The following CDYL2 variants were observed in gnomAD, a reference collection of about 807,000 sequenced individuals.
The protein encoded by CDYL2 is chromodomain Y like 2.
CDYL2 carries 23 observed loss-of-function variants against 49.4 expected under a neutral mutation model. The ratio of observed to expected loss-of-function variants is 0.47; its 90% CI spans 0.34 to 0.66. The LOEUF (loss-of-function observed/expected upper bound fraction) is 0.66. CDYL2 is among the 30% of genes least tolerant of loss of function. CDYL2 has a pLI of 0.01. For missense variants in CDYL2, 678 were observed against 656.4 expected, an observed-to-expected ratio of 1.03 and a Z score of -0.36; for synonymous variants, 360 against 268.8, an observed-to-expected ratio of 1.34 and a Z score of -3.32.
chr16:80,799,257 TTTC>T (rs1485996393), intron 1 of CDYL2, among the ~76,000 whole-genome samples: 9 of 152,196 alleles, frequency 5.9e-5, no homozygotes, highest in Non-Finnish European at 1.2e-4. Context: ...TTAGATATTA[TTTC>T]TTTTTTGCTT....
chr16:80,665,023 C>T (rs1245226740), intron 2 of CDYL2, among the ~76,000 whole-genome samples: 1 of 152,128 alleles, frequency 6.6e-6, no homozygotes, highest in Non-Finnish European at 1.5e-5. Context: ...TCATCATACC[C>T]CCAGAACGAG....
At chr16:80,662,033 T>G (rs573927854) in intron 2 of CDYL2, among the ~76,000 whole-genome samples, 3 of 152,188 alleles carry the variant, frequency 2.0e-5, no homozygotes, top group Admixed American at 6.5e-5. Context: ...ATGTTCCTAG[T>G]GGTGCATTCC....
intron 2 of CDYL2, among the ~76,000 whole-genome samples, chr16:80,656,781 C>A (rs1244410778): frequency 6.6e-6 from 1 of 152,028 alleles, no homozygotes; most frequent in Non-Finnish European, 1.5e-5. Context: ...ATGAGAGGCA[C>A]AACACTGACA....
intron 1 of CDYL2, among the ~76,000 whole-genome samples, chr16:80,688,867 T>G (rs1212033396): frequency 6.6e-6 from 1 of 152,084 alleles, no homozygotes; most frequent in African/African-American, 2.4e-5. Flanking sequence ...TCCTCCAAAC[T>G]TCCTGCACTG....
At chr16:80,802,174 A>C (rs1391795501) in intron 1 of CDYL2, among the ~76,000 whole-genome samples, 1 of 152,224 alleles carries the variant, frequency 6.6e-6, no homozygotes, top group African/African-American at 2.4e-5. Flanking sequence ...TGAACATTAA[A>C]CAAGAAATTA....
chr16:80,623,082 GCT>G (rs1233718159), intron 3 of CDYL2, among the ~76,000 whole-genome samples: 1 of 152,206 alleles, frequency 6.6e-6, no homozygotes, highest in East Asian at 1.9e-4. Flanking sequence ...GATGGTACAA[GCT>G]CTGTCTGCCC....
At chr16:80,713,019 G>T (rs912392705) in intron 1 of CDYL2, among the ~76,000 whole-genome samples, 2 of 152,138 alleles carry the variant, frequency 1.3e-5, no homozygotes, top group Non-Finnish European at 2.9e-5. Context: ...TTGTGGCTTC[G>T]CTCATTGTTT....
intron 1 of CDYL2, among the ~76,000 whole-genome samples, chr16:80,700,388 A>C (rs1033908289): frequency 5.9e-5 from 9 of 152,372 alleles, no homozygotes; most frequent in African/African-American, 1.7e-4. Flanking sequence ...ATCAAAAATA[A>C]AATTAAATGA....
At chr16:80,672,041 G>A (rs1046120917) in intron 2 of CDYL2, among the ~76,000 whole-genome samples, 20 of 152,096 alleles carry the variant, frequency 1.3e-4, no homozygotes, top group Non-Finnish European at 1.5e-4. Flanking sequence ...TGGAATATTT[G>A]TATTATACTT....
At chr16:80,727,858 AG>A (rs1422869790) in intron 1 of CDYL2, among the ~76,000 whole-genome samples, 1 of 152,088 alleles carries the variant, frequency 6.6e-6, no homozygotes, top group Non-Finnish European at 1.5e-5. Flanking sequence ...TCACACGGCC[AG>A]GTACTCCAAC....
At chr16:80,782,530 G>GAA (rs1188248662) in intron 1 of CDYL2, among the ~76,000 whole-genome samples, 176 of 35,302 alleles carry the variant, frequency 5.0e-3, no homozygotes, top group Non-Finnish European at 7.1e-3. Context: ...GACATAAGGA[G>GAA]AAAAAAAAAA....
chr16:80,769,774 T>C (rs890313632), intron 1 of CDYL2, among the ~76,000 whole-genome samples: 1 of 152,210 alleles, frequency 6.6e-6, no homozygotes, highest in African/African-American at 2.4e-5. Context: ...ATAAGGTATT[T>C]GCATAGGTGA....
In CDYL2 at chr16:80,603,627, T is replaced by A. The variant is rs916307866; in HGVS notation, c.*761A>T. ...TCCAGGGTAGTATGAAAATAGTATC[T>A]GTGTGAACAACAGACATCACAATAT... On this transcript the variant is annotated 3_prime_UTR_variant, in exon 7 of 7. Transcript: ENST00000570137. The A allele has an allele frequency of 1.3e-5, 2 of 152,610 alleles. No individual in the cohort carries two copies. The highest frequency in any genetic ancestry group is 4.8e-5 in the African/African-American group (2 of 41,432). 9.5% of individuals were successfully genotyped at this position (152,610 alleles called of 1,614,324 possible). A position where few individuals can be genotyped will look rare whatever the true frequency, so the allele number is the denominator to read the frequency against.
At position 80,699,734 on chromosome 16, in the gene CDYL2, G is replaced by A. The variant is rs371945619; in HGVS notation, c.25-14605C>T. On this transcript the variant is annotated intron_variant, in intron 1 of 6. Transcript: ENST00000570137. ...ATGGATATGCTAATTACCCTGATTT[G>A]ATCATTACACATTATCTATATGTAT... Among the ~76,000 whole-genome samples, 6 of 152,178 alleles carry A rather than the reference G, an allele frequency of 3.9e-5. 1 individual carries two copies. The highest frequency in any genetic ancestry group is 9.6e-5 in the African/African-American group (4 of 41,522).
At chr16:80,609,172 G>C (rs987141071) in intron 5 of CDYL2, among the ~76,000 whole-genome samples, 4 of 152,330 alleles carry the variant, frequency 2.6e-5, no homozygotes, top group African/African-American at 9.6e-5. Context: ...TCTGGGAGGA[G>C]CTATATAGAT....
At chr16:80,746,843 G>C (rs567037550) in intron 1 of CDYL2, among the ~76,000 whole-genome samples, 17 of 151,978 alleles carry the variant, frequency 1.1e-4, no homozygotes, top group African/African-American at 4.1e-4. Context: ...TTAAAAAACT[G>C]AGCAGACTTT....
At chr16:80,642,713 T>C (rs1400170017) in intron 2 of CDYL2, among the ~76,000 whole-genome samples, 2 of 152,080 alleles carry the variant, frequency 1.3e-5, no homozygotes, top group Non-Finnish European at 2.9e-5. Context: ...ATAAGGAAGA[T>C]GCAAAAGTGG....
chr16:80,691,236 G>A (rs1910401878), intron 1 of CDYL2, among the ~76,000 whole-genome samples: 2 of 152,172 alleles, frequency 1.3e-5, no homozygotes, highest in Admixed American at 1.3e-4. Context: ...TCCCTTGGGG[G>A]CGGAAGGGCG....
chr16:80,801,769 A>G (rs1229150862), intron 1 of CDYL2, among the ~76,000 whole-genome samples: 1 of 151,640 alleles, frequency 6.6e-6, no homozygotes, highest in Non-Finnish European at 1.5e-5. Context: ...TTTTACCCAC[A>G]TAACAACTTT....
Sources: allele counts gnomAD v4.1 joint callset (sites outside exome capture counted in the v4.1 genomes callset), GRCh38; gene constraint gnomAD v4.1.1; transcripts MANE v1.5; gene names NCBI Gene and HGNC (gene_info 2026-07-23, HGNC 2026-07-21).